CTNNA2: variants seen among roughly 807,000 people sequenced by gnomAD.
The protein encoded by CTNNA2 is catenin alpha 2.
Under a neutral mutation model 101.0 loss-of-function variants are expected in CTNNA2, and 42 were observed. That is an observed-to-expected ratio of 0.42 (90% CI 0.32 to 0.54). The LOEUF (loss-of-function observed/expected upper bound fraction) is 0.54, where lower values mean the gene tolerates loss of function less well. Ranked by LOEUF, CTNNA2 falls within the 20% of genes least tolerant of loss-of-function variation. The pLI is 0.14. For synonymous variants in CTNNA2, 450 were observed against 456.4 expected, an observed-to-expected ratio of 0.99 and a Z score of 0.18; for missense variants, 871 against 1,223.1, an observed-to-expected ratio of 0.71 and a Z score of 4.29.
intron 7 of CTNNA2, among the ~76,000 whole-genome samples, chr2:80,114,096 A>G (rs903362466): frequency 2.0e-4 from 30 of 152,194 alleles, no homozygotes; most frequent in Admixed American, 1.1e-3. Context: ...TAATTTGAAC[A>G]CAGAGAAAAT....
intron 7 of CTNNA2, among the ~76,000 whole-genome samples, chr2:80,016,947 A>G (rs1200305651): frequency 2.6e-5 from 4 of 152,238 alleles, no homozygotes; most frequent in Admixed American, 1.3e-4. Flanking sequence ...TTAAACCTCA[A>G]ACTATCAAAG....
chr2:80,552,187 G>C (rs1001094830), intron 11 of CTNNA2, among the ~76,000 whole-genome samples: 1 of 152,038 alleles, frequency 6.6e-6, no homozygotes, highest in South Asian at 2.1e-4. Flanking sequence ...TCATCAAAAC[G>C]ATAATGAAAA....
intron 9 of CTNNA2, among the ~76,000 whole-genome samples, chr2:80,466,768 G>A (rs1276304722): frequency 6.6e-6 from 1 of 152,208 alleles, no homozygotes; most frequent in East Asian, 1.9e-4. Context: ...GGCCCCAACA[G>A]GATTTCCATC....
chr2:80,531,400 G>A (rs1426174297), intron 9 of CTNNA2, among the ~76,000 whole-genome samples: 5 of 152,194 alleles, frequency 3.3e-5, no homozygotes, highest in Non-Finnish European at 4.4e-5. Context: ...ATAAGGAAGT[G>A]GATATCCAAG....
chr2:80,036,826 TGTGTGTGTGTGTGTGTGTGTGTGAGA>T (rs1433553049), intron 7 of CTNNA2, among the ~76,000 whole-genome samples: 3 of 73,638 alleles, frequency 4.1e-5, no homozygotes, highest in Admixed American at 1.4e-4. Flanking sequence ...TGTGTGTTTG[TGTGTGTGTGTGTGTGTGTGTGTGAGA>T]GAGAGAGAGA....
At chr2:80,193,838 T>G (rs1573355752) in intron 7 of CTNNA2, among the ~76,000 whole-genome samples, 1 of 152,288 alleles carries the variant, frequency 6.6e-6, no homozygotes, top group Admixed American at 6.5e-5. Context: ...AAGATGATAC[T>G]GAAAGTCATG....
chr2:79,325,634 C>T (rs1676729205), intron 3 of CTNNA2, among the ~76,000 whole-genome samples: 1 of 152,186 alleles, frequency 6.6e-6, no homozygotes, highest in Non-Finnish European at 1.5e-5. Flanking sequence ...GCCCAGCACA[C>T]TCTGTGGCCA....
chr2:79,999,103 A>G (rs901626058), intron 7 of CTNNA2, among the ~76,000 whole-genome samples: 17 of 152,070 alleles, frequency 1.1e-4, no homozygotes, highest in Admixed American at 1.0e-3. Flanking sequence ...CATGAAGGAC[A>G]TCTGAGCCTT....
intron 3 of CTNNA2, among the ~76,000 whole-genome samples, chr2:79,765,317 C>G (rs547828445): frequency 6.6e-6 from 1 of 152,280 alleles, no homozygotes; most frequent in Non-Finnish European, 1.5e-5. Context: ...TCTAGAGACA[C>G]AAGTCACTAG....
chr2:80,290,586 T>C (rs1675149960), intron 7 of CTNNA2, among the ~76,000 whole-genome samples: 1 of 151,470 alleles, frequency 6.6e-6, no homozygotes. Flanking sequence ...CCCTTGAAAA[T>C]ACTATTTAGA....
intron 2 of CTNNA2, among the ~76,000 whole-genome samples, chr2:79,250,059 G>T (rs1674750483): frequency 6.6e-6 from 1 of 152,096 alleles, no homozygotes. Context: ...ACATCCCATT[G>T]ACTGCACTGG....
At chr2:79,881,408 G>A (rs968425552) in intron 6 of CTNNA2, among the ~76,000 whole-genome samples, 1 of 152,130 alleles carries the variant, frequency 6.6e-6, no homozygotes, top group Non-Finnish European at 1.5e-5. Context: ...TGACAGTGGG[G>A]TGTTAAAGTC....
chr2:79,551,344 G>A (rs986430504), intron 1 of CTNNA2, among the ~76,000 whole-genome samples: 21 of 152,114 alleles, frequency 1.4e-4, no homozygotes, highest in African/African-American at 5.1e-4. Flanking sequence ...AGAGGCAAGA[G>A]GTTACATTCT....
chr2:80,032,475 C>T (rs887372302), intron 7 of CTNNA2, among the ~76,000 whole-genome samples: 3 of 152,154 alleles, frequency 2.0e-5, no homozygotes, highest in Non-Finnish European at 4.4e-5. Context: ...ATCATCATCA[C>T]AGACACTGAA....
chr2:79,962,447 T>C (rs149010507), intron 7 of CTNNA2, among the ~76,000 whole-genome samples: 1 of 152,364 alleles, frequency 6.6e-6, no homozygotes, highest in African/African-American at 2.4e-5. Flanking sequence ...TTTGGAGGGA[T>C]ACGAACATTC....
At chr2:79,607,227 A>G (rs1215008698) in intron 1 of CTNNA2, among the ~76,000 whole-genome samples, 2 of 152,230 alleles carry the variant, frequency 1.3e-5, no homozygotes, top group African/African-American at 2.4e-5. Flanking sequence ...AACATTTTAC[A>G]TATGCACCTC....
Position 79,333,126 on chromosome 2 carries a change from G to C in CTNNA2, c.-318+20330G>C, listed in dbSNP as rs955461563. On this transcript the variant is annotated intron_variant, in intron 3 of 21. Coordinates refer to the CTNNA2 transcript ENST00000466387. Reference sequence around the variant, plus strand: ...ATGTTTTGAATCATCAGAAATGTAAGTTGTTATACAGGGAGCAAACATTTA... The same window carrying C: ...ATGTTTTGAATCATCAGAAATGTAACTTGTTATACAGGGAGCAAACATTTA... Among the ~76,000 whole-genome samples, 4 of 152,266 alleles carry C rather than the reference G, an allele frequency of 2.6e-5. No homozygotes were observed. In the South Asian group the frequency reaches 8.3e-4, roughly 32 times the overall value.
At chr2:79,311,828 G>A (rs1255833938) in intron 2 of CTNNA2, among the ~76,000 whole-genome samples, 1 of 152,110 alleles carries the variant, frequency 6.6e-6, no homozygotes, top group Non-Finnish European at 1.5e-5. Context: ...GAATTAATGT[G>A]GTCAGTCTTT....
At chr2:79,737,583 A>G (rs1180996363) in intron 2 of CTNNA2, among the ~76,000 whole-genome samples, 1 of 152,218 alleles carries the variant, frequency 6.6e-6, no homozygotes, top group Non-Finnish European at 1.5e-5. Flanking sequence ...TAGTTGGAAA[A>G]TAATTGTGCC....
Sources: allele counts gnomAD v4.1 joint callset (sites outside exome capture counted in the v4.1 genomes callset), GRCh38; gene constraint gnomAD v4.1.1; transcripts MANE v1.5; gene names NCBI Gene and HGNC (gene_info 2026-07-23, HGNC 2026-07-21).